The following SPATA13 variants were observed in gnomAD, a reference collection of about 807,000 sequenced individuals.
SPATA13 encodes the protein spermatogenesis-associated protein 13.
In SPATA13, 50 loss-of-function variants were observed where a neutral mutation model predicts 104.0. That is an observed-to-expected ratio of 0.48 (90% CI 0.38 to 0.61). The LOEUF is 0.61. Among genes scored for constraint, SPATA13 ranks in the 20% least tolerant of loss-of-function variants. SPATA13 has a pLI of 0.00. For missense variants in SPATA13, 1,524 were observed against 1,690.6 expected (o/e 0.90, Z 1.73); for synonymous variants, 606 against 667.5 (o/e 0.91, Z 1.42).
rs1871695626 is a variant in SPATA13 at position 24,223,090 on chromosome 13, G to A, written c.161G>A (p.Cys54Tyr). 2 of 1,551,626 alleles carry A rather than the reference G, an allele frequency of 1.3e-6. No individual in the cohort carries two copies. Among genetic ancestry groups the A allele is most frequent in the Non-Finnish European group, 1.7e-6 (2 of 1,147,030 alleles). ...GCGTGTGGAAATGGAGTCTGTGGCT[G>A]CAGCCCTGGTGGCGACACGGACACC... The part of the protein sequence containing the change: ...SLACGNGVCG[C>Y]SPGGDTDTQE... The change falls in exon 2 of 13, where the codon TGC becomes TAC. Residue 54 changes from cysteine to tyrosine, a missense_variant. By Grantham distance (194) the Cys-to-Tyr change is radical. Around this residue, in one of 2 missense-constraint regions of SPATA13, gnomAD observed 1,089 missense variants for 1,135.9 expected, o/e 0.96. Coordinates refer to ENST00000382108, the MANE Select transcript of SPATA13 (RefSeq NM_001166271.3).
chr13:23,998,966 C>G (rs145943355), intron 2 of SPATA13, among the ~76,000 whole-genome samples: 204 of 147,682 alleles, frequency 1.4e-3, no homozygotes, highest in Non-Finnish European at 2.5e-3. Context: ...TGCTGTGTCA[C>G]CCAGGCTGGA....
chr13:24,233,469 A>G (rs998923215), intron 2 of SPATA13, among the ~76,000 whole-genome samples: 19 of 152,118 alleles, frequency 1.2e-4, no homozygotes, highest in South Asian at 8.3e-4. Flanking sequence ...TTTCTCCTAG[A>G]ATGTTTTTAG....
rs139058790 is a variant in SPATA13, at chr13:24,101,726, GT to G, written c.-112+84027del. ...ATCACGCACCTATATAAGTGGAATT[GT>G]TCAGTATTTATCTCTTGCCACTGAC... On this transcript the variant is annotated intron_variant, in intron 3 of 14. Coordinates refer to the SPATA13 transcript ENST00000424834. Among the ~76,000 whole-genome samples, 883 of 152,274 alleles carry G rather than the reference GT, an allele frequency of 5.8e-3. 11 individuals carry two copies. The highest frequency in any genetic ancestry group is 0.02 in the African/African-American group (837 of 41,546).
intron 4 of SPATA13, among the ~76,000 whole-genome samples, chr13:24,277,431 A>G (rs570119721): frequency 8.5e-5 from 12 of 140,512 alleles, no homozygotes; most frequent in South Asian, 2.6e-4. Flanking sequence ...GCAACAGAGC[A>G]AGACTCCGTC....
chr13:24,240,259 T>TA (rs78352354), intron 2 of SPATA13, among the ~76,000 whole-genome samples: 11,448 of 146,016 alleles, frequency 0.078, 543 homozygotes, highest in Non-Finnish European at 0.11. Context: ...AACCTGTCTT[T>TA]AAAAAAAAAA....
chr13:24,009,523 G>T (rs189915560), intron 2 of SPATA13, among the ~76,000 whole-genome samples: 1 of 152,322 alleles, frequency 6.6e-6, no homozygotes, highest in Non-Finnish European at 1.5e-5. Flanking sequence ...GATGTACATT[G>T]GTTTGGTCTG....
chr13:24,200,955 T>C (rs1361839651), intron 1 of SPATA13, among the ~76,000 whole-genome samples: 1 of 152,180 alleles, frequency 6.6e-6, no homozygotes, highest in Non-Finnish European at 1.5e-5. Flanking sequence ...TGTTCTTTTT[T>C]TTCCCCCTCA....
At chr13:24,122,399 C>T (rs1881060980) in intron 3 of SPATA13, 3 of 1,584,646 alleles carry the variant, frequency 1.9e-6, no homozygotes, top group Non-Finnish European at 2.6e-6. Context: ...GAATAGCCTT[C>T]CAGAGCAGTC....
At chr13:24,105,234 C>G (rs1469178807) in intron 3 of SPATA13, among the ~76,000 whole-genome samples, 1 of 152,122 alleles carries the variant, frequency 6.6e-6, no homozygotes, top group Non-Finnish European at 1.5e-5. Flanking sequence ...TGGATTTTCC[C>G]ACCTCAGCCT....
intron 4 of SPATA13, among the ~76,000 whole-genome samples, chr13:24,263,756 G>A (rs2138683232): frequency 6.6e-6 from 1 of 152,308 alleles, no homozygotes; most frequent in Admixed American, 6.5e-5. Flanking sequence ...CCACAGATGT[G>A]TAACCCACAG....
At chr13:24,141,029 G>A (rs1881745543) in intron 3 of SPATA13, among the ~76,000 whole-genome samples, 1 of 152,048 alleles carries the variant, frequency 6.6e-6, no homozygotes, top group African/African-American at 2.4e-5. Flanking sequence ...ACAAAAATTA[G>A]CCAGGCATGG....
intron 4 of SPATA13, among the ~76,000 whole-genome samples, chr13:24,256,299 G>A (rs551113273): frequency 8.5e-5 from 13 of 152,288 alleles, no homozygotes; most frequent in Non-Finnish European, 1.6e-4. Context: ...TAATGACAAT[G>A]TATTGTATAG....
chr13:23,983,837 T>C, exon 2 of SPATA13: 2 of 978,826 alleles, frequency 2.0e-6, no homozygotes, highest in Non-Finnish European at 2.4e-6. Flanking sequence ...GGGAGTCATA[T>C]TCGCTGCCTG....
intron 1 of SPATA13, among the ~76,000 whole-genome samples, chr13:24,171,162 C>T (rs557190263): frequency 6.6e-5 from 10 of 152,258 alleles, no homozygotes; most frequent in African/African-American, 2.4e-4. Context: ...TCAACAGCCG[C>T]TGACTGCTCA....
intron 2 of SPATA13, among the ~76,000 whole-genome samples, chr13:24,227,529 C>G (rs576316813): frequency 9.2e-5 from 14 of 152,176 alleles, no homozygotes; most frequent in Admixed American, 3.3e-4. Flanking sequence ...ACGAATTTGC[C>G]TCCAGATATT....
intron 4 of SPATA13, among the ~76,000 whole-genome samples, chr13:24,268,158 G>A (rs1234014392): frequency 6.6e-6 from 1 of 152,250 alleles, no homozygotes; most frequent in Non-Finnish European, 1.5e-5. Context: ...AGATGGCACA[G>A]CTGTCAGTGG....
At chr13:24,199,246 G>T (rs1028125107) in intron 1 of SPATA13, among the ~76,000 whole-genome samples, 1 of 152,112 alleles carries the variant, frequency 6.6e-6, no homozygotes, top group South Asian at 2.1e-4. Context: ...CAGCACCCAC[G>T]CCAGCTGCAA....
At chr13:23,992,144 C>A (rs546049430) in intron 2 of SPATA13, among the ~76,000 whole-genome samples, 1 of 152,236 alleles carries the variant, frequency 6.6e-6, no homozygotes, top group Non-Finnish European at 1.5e-5. Context: ...TGACACTCCT[C>A]AAGTCTGGGT....
chr13:24,087,694 T>A (rs9553164), intron 3 of SPATA13, among the ~76,000 whole-genome samples: 1 of 151,970 alleles, frequency 6.6e-6, no homozygotes, highest in Non-Finnish European at 1.5e-5. Context: ...ACACACACGC[T>A]TCTCTAGGTC....
Sources: allele counts gnomAD v4.1 joint callset (sites outside exome capture counted in the v4.1 genomes callset), GRCh38; gene constraint gnomAD v4.1.1; regional missense constraint gnomAD v4.1.1; transcripts MANE v1.5; gene names NCBI Gene and HGNC (gene_info 2026-07-23, HGNC 2026-07-21).